PHYHIPL: variants seen among roughly 807,000 people sequenced by gnomAD.
PHYHIPL encodes the protein phytanoyl-CoA 2-hydroxylase interacting protein like.
In PHYHIPL, 9 loss-of-function variants were observed where a neutral mutation model predicts 33.4. That is an observed-to-expected ratio of 0.27 (90% CI 0.16 to 0.47). PHYHIPL has a LOEUF of 0.47. Among genes scored for constraint, PHYHIPL ranks in the 20% least tolerant of loss-of-function variants. The pLI, the probability that PHYHIPL is intolerant of heterozygous loss-of-function variation, is 0.99. For synonymous variants in PHYHIPL, 153 were observed against 154.1 expected, an observed-to-expected ratio of 0.99 and a Z score of 0.05; for missense variants, 365 against 460.7, an observed-to-expected ratio of 0.79 and a Z score of 1.90.
chr10:59,212,875 G>A lies in PHYHIPL; in HGVS notation c.107-21429G>A, dbSNP rs149255409. Among the ~76,000 whole-genome samples, 499 of 152,106 alleles carry A rather than the reference G, an allele frequency of 3.3e-3. 3 individuals carry two copies. Among genetic ancestry groups the A allele is most frequent in the African/African-American group, 0.011 (456 of 41,504 alleles). On this transcript the variant is annotated intron_variant, in intron 1 of 4. Coordinates refer to ENST00000373880, the MANE Select transcript of PHYHIPL (RefSeq NM_032439.4). ...ACCCCAGTCACCCCAGGATTTTATCGGCTTATCAATTTGTACAACATAGAT... is the reference window on the plus strand; with the variant it reads ...ACCCCAGTCACCCCAGGATTTTATCAGCTTATCAATTTGTACAACATAGAT...
chr10:59,244,694 T>A (rs1452839240), intron 4 of PHYHIPL, among the ~76,000 whole-genome samples: 1 of 152,006 alleles, frequency 6.6e-6, no homozygotes, highest in Admixed American at 6.6e-5. Flanking sequence ...AACCAATACC[T>A]TTAGTTCAGT....
At chr10:59,188,204 T>C (rs1838672052) in intron 1 of PHYHIPL, among the ~76,000 whole-genome samples, 1 of 152,248 alleles carries the variant, frequency 6.6e-6, no homozygotes, top group African/African-American at 2.4e-5. Flanking sequence ...TCTTTATTTC[T>C]GCCTTCATTT....
At chr10:59,231,628 T>C (rs960031766) in intron 1 of PHYHIPL, among the ~76,000 whole-genome samples, 3 of 152,122 alleles carry the variant, frequency 2.0e-5, no homozygotes, top group African/African-American at 7.2e-5. Flanking sequence ...ATCATGGTGA[T>C]AAAAGATTTA....
At position 59,246,527 on chromosome 10, in the gene PHYHIPL, A is replaced by G. The variant is rs1840723577; in HGVS notation, c.*936A>G. On this transcript the variant is annotated 3_prime_UTR_variant, in exon 5 of 5. Coordinates refer to ENST00000373880, the MANE Select transcript of PHYHIPL (RefSeq NM_032439.4). Reference sequence around the variant, plus strand: ...AAACAAGGTTGGTACATGAGAGAAAATGTTGACCTTTTACTTCCTTTTACA... The same window carrying G: ...AAACAAGGTTGGTACATGAGAGAAAGTGTTGACCTTTTACTTCCTTTTACA... 2.5e-6 allele frequency: 1 copy of G among 393,010 alleles called. No homozygotes were observed. Among genetic ancestry groups the G allele is most frequent in the South Asian group, 1.4e-4 (1 of 7,198 alleles). The allele number at this position is 393,010 out of a possible 1,614,324, so 24.3% of individuals were successfully genotyped here.
intron 4 of PHYHIPL, 90 bp from the exon 5 acceptor site, chr10:59,244,967 T>C: frequency 7.4e-7 from 1 of 1,351,884 alleles, no homozygotes; most frequent in Non-Finnish European, 1.0e-6. Flanking sequence ...CCTTTAACAG[T>C]AGATGTTTGA....
chr10:59,243,777 A>G (rs1564461533), intron 4 of PHYHIPL, among the ~76,000 whole-genome samples: 1 of 152,300 alleles, frequency 6.6e-6, no homozygotes, highest in East Asian at 1.9e-4. Context: ...AACAAAAAAA[A>G]GAAGGCAGCA....
intron 4 of PHYHIPL, among the ~76,000 whole-genome samples, chr10:59,242,708 T>G (rs1218469353): frequency 6.6e-6 from 1 of 151,928 alleles, no homozygotes; most frequent in Non-Finnish European, 1.5e-5. Context: ...AAATAGAAGA[T>G]ACAAAGAATT....
chr10:59,222,733 G>GAA (rs11431653), intron 1 of PHYHIPL, among the ~76,000 whole-genome samples: 331 of 152,078 alleles, frequency 2.2e-3, no homozygotes, highest in Non-Finnish European at 3.9e-3. Context: ...GGTTTCAAAA[G>GAA]AAAAAAATTC....
intron 1 of PHYHIPL, among the ~76,000 whole-genome samples, chr10:59,178,158 G>T (rs1798287886): frequency 1.3e-5 from 2 of 151,550 alleles, no homozygotes; most frequent in Admixed American, 1.3e-4. Context: ...CACCGAATTT[G>T]TTTATTACTA....
chr10:59,199,496 C>T (rs1839030698), intron 1 of PHYHIPL, among the ~76,000 whole-genome samples: 1 of 152,118 alleles, frequency 6.6e-6, no homozygotes, highest in Admixed American at 6.5e-5. Flanking sequence ...AGCGTGATGC[C>T]TCCAGCTTTG....
chr10:59,245,477 T>G lies in PHYHIPL; in HGVS notation c.1017T>G (p.Asp339Glu), dbSNP rs756998788. Residue 339 changes from aspartate to glutamate, a missense_variant, in exon 5 of 5, where the codon GAT becomes GAG. Physicochemically the swap from Asp to Glu is conservative, Grantham distance 45. This residue lies in a region of PHYHIPL where 196 missense variants were observed against 224.9 expected (regional missense o/e 0.87). Coordinates refer to ENST00000373880, the MANE Select transcript of PHYHIPL (RefSeq NM_032439.4). ...ILEVIYTDPVDLSVGTVAEIT... is the reference protein window; with the variant it reads ...ILEVIYTDPVELSVGTVAEIT... Reference sequence around the variant, plus strand: ...AAGTCATTTACACTGACCCTGTGGATCTTTCTGTGGGCACCGTGGCAGAAA... The same window carrying G: ...AAGTCATTTACACTGACCCTGTGGAGCTTTCTGTGGGCACCGTGGCAGAAA... 3 of 1,614,042 alleles carry G rather than the reference T, an allele frequency of 1.9e-6. No individual in the cohort carries two copies. The Admixed American group carries it at 5.0e-5, about 27-fold the overall frequency.
intron 1 of PHYHIPL, among the ~76,000 whole-genome samples, chr10:59,210,955 T>A (rs1839423179): frequency 6.6e-6 from 1 of 152,042 alleles, no homozygotes; most frequent in Non-Finnish European, 1.5e-5. Context: ...GGGATAGCAT[T>A]AGGAGAAATT....
chr10:59,185,623 C>T (rs1017489264), intron 1 of PHYHIPL, among the ~76,000 whole-genome samples: 9 of 152,136 alleles, frequency 5.9e-5, no homozygotes, highest in Admixed American at 2.6e-4. Context: ...CTCTCCAGCA[C>T]CTGTTGTTTC....
intron 4 of PHYHIPL, among the ~76,000 whole-genome samples, chr10:59,244,584 A>AAAAAAAAAAAAC: frequency 6.7e-6 from 1 of 149,474 alleles, no homozygotes; most frequent in Non-Finnish European, 1.5e-5. Flanking sequence ...AAAAAAAAAA[A>AAAAAAAAAAAAC]AAGCCAAAAC....
chr10:59,222,564 G>A (rs1839807654), intron 1 of PHYHIPL, among the ~76,000 whole-genome samples: 1 of 151,758 alleles, frequency 6.6e-6, no homozygotes, highest in Admixed American at 6.6e-5. Flanking sequence ...AAGGAGGAGA[G>A]CATATTTGAG....
rs113000352 is a variant in PHYHIPL at position 59,233,063 on chromosome 10, T to C, written c.107-1241T>C. On this transcript the variant is annotated intron_variant, in intron 1 of 4. Transcript: ENST00000373880. ...TTTGTGGAGAGGAAATGTGGAGAAA[T>C]GGGACTGTGAAGAAAGTACATAGGA... Among the ~76,000 whole-genome samples, 837 of 151,922 alleles carry C rather than the reference T, an allele frequency of 5.5e-3. 7 individuals carry two copies. The highest frequency in any genetic ancestry group is 0.019 in the African/African-American group (800 of 41,514).
chr10:59,207,978 G>A (rs1030145320), intron 1 of PHYHIPL, among the ~76,000 whole-genome samples: 1 of 152,130 alleles, frequency 6.6e-6, no homozygotes, highest in South Asian at 2.1e-4. Flanking sequence ...TGGGGGAAGG[G>A]ACGGCTGTCG....
In PHYHIPL at chr10:59,180,257, T is replaced by TACACACAC. The variant is rs140480148; in HGVS notation, c.106+3312_106+3319dup. Among the ~76,000 whole-genome samples, 162 of 118,956 alleles carry TACACACAC rather than the reference T, an allele frequency of 1.4e-3. 4 individuals carry two copies. Among genetic ancestry groups the TACACACAC allele is most frequent in the South Asian group, 3.6e-3 (13 of 3,622 alleles). 78.0% of individuals were successfully genotyped at this position (118,956 alleles called of 152,430 possible). Reference sequence around the variant, plus strand: ...GCTTTTCGTCTTTTAATCATATATATACACACACACACACACACACATACA... The same window carrying TACACACAC: ...GCTTTTCGTCTTTTAATCATATATATACACACACACACACACACACACACACACATACA... On this transcript the variant is annotated intron_variant, in intron 1 of 4. Coordinates refer to ENST00000373880, the MANE Select transcript of PHYHIPL (RefSeq NM_032439.4).
chr10:59,221,118 C>T (rs1216820633), intron 1 of PHYHIPL, among the ~76,000 whole-genome samples: 7 of 151,802 alleles, frequency 4.6e-5, no homozygotes, highest in Non-Finnish European at 1.0e-4. Flanking sequence ...CTAAAATTAC[C>T]ATCTAGTCTT....
Sources: allele counts gnomAD v4.1 joint callset (sites outside exome capture counted in the v4.1 genomes callset), GRCh38; gene constraint gnomAD v4.1.1; regional missense constraint gnomAD v4.1.1; transcripts MANE v1.5; gene names NCBI Gene and HGNC (gene_info 2026-07-23, HGNC 2026-07-21).